The following ST7 variants were observed in gnomAD, a reference collection of about 807,000 sequenced individuals.
ST7 encodes suppressor of tumorigenicity 7 protein.
In ST7, 28 loss-of-function variants were observed where a neutral mutation model predicts 78.7. The ratio of observed to expected loss-of-function variants is 0.36; its 90% CI spans 0.26 to 0.49. ST7 has a LOEUF of 0.49. Among genes scored for constraint, ST7 ranks in the 20% least tolerant of loss-of-function variants. The probability of loss-of-function intolerance (pLI) is 0.99; values close to 1 mark genes in which losing one functional copy is unlikely to be tolerated. For missense variants in ST7, 418 were observed against 696.0 expected (o/e 0.60, Z 4.49); for synonymous variants, 247 against 249.6 (o/e 0.99, Z 0.10).
intron 1 of ST7, among the ~76,000 whole-genome samples, chr7:117,027,247 G>A (rs997044193): frequency 3.3e-5 from 5 of 151,956 alleles, no homozygotes; most frequent in Non-Finnish European, 7.4e-5. Context: ...TTTGAGACCA[G>A]CCTGGCCAAC....
At chr7:117,066,492 T>A (rs901013771) in intron 1 of ST7, among the ~76,000 whole-genome samples, 1 of 152,134 alleles carries the variant, frequency 6.6e-6, no homozygotes, top group Non-Finnish European at 1.5e-5. Context: ...CCAGGCGTGG[T>A]GGCTAACGCC....
intron 1 of ST7, among the ~76,000 whole-genome samples, chr7:117,097,914 T>A (rs1250513362): frequency 0.055 from 840 of 15,148 alleles, 12 homozygotes; most frequent in Middle Eastern, 0.094. Flanking sequence ...ATATATTTTT[T>A]TTTTTTTTTT....
chr7:117,223,047 C>A, intron 15 of ST7: 1 of 1,128,580 alleles, frequency 8.9e-7, no homozygotes, highest in Non-Finnish European at 1.3e-6. Flanking sequence ...CTCCGCCATC[C>A]ACCCCGTTGC....
chr7:116,984,577 G>T (rs1051071405), intron 1 of ST7, among the ~76,000 whole-genome samples: 3 of 152,136 alleles, frequency 2.0e-5, no homozygotes, highest in African/African-American at 7.2e-5. Flanking sequence ...ATGAGGAGAT[G>T]ACTCTATCAC....
intron 15 of ST7, 75 bp from the exon 16 acceptor site, chr7:117,229,687 G>T: frequency 5.0e-6 from 6 of 1,189,008 alleles, no homozygotes; most frequent in Non-Finnish European, 7.1e-6. Context: ...AGCTGCAAGC[G>T]TGGGTGGAGA....
chr7:117,172,671 C>T (rs1025659838), intron 10 of ST7, among the ~76,000 whole-genome samples: 9 of 152,192 alleles, frequency 5.9e-5, no homozygotes, highest in Admixed American at 1.3e-4. Context: ...CAAAAATCCT[C>T]GTATGTTGAC....
At chr7:117,114,221 C>G (rs1446799222) in intron 2 of ST7, among the ~76,000 whole-genome samples, 1 of 149,978 alleles carries the variant, frequency 6.7e-6, no homozygotes, top group Admixed American at 6.6e-5. Context: ...ATACAGAAAC[C>G]AAGAATGTAA....
At chr7:117,053,122 G>A (rs1284506895) in intron 1 of ST7, among the ~76,000 whole-genome samples, 3 of 152,006 alleles carry the variant, frequency 2.0e-5, no homozygotes, top group East Asian at 1.9e-4. Flanking sequence ...GTTGTTCTTC[G>A]TAGAGAAATT....
intron 2 of ST7, among the ~76,000 whole-genome samples, chr7:117,106,371 C>T (rs528557613): frequency 5.9e-5 from 9 of 152,158 alleles, no homozygotes; most frequent in Middle Eastern, 3.4e-3. Context: ...CTTCATGTTC[C>T]TACCTTAATA....
intron 1 of ST7, among the ~76,000 whole-genome samples, chr7:116,963,321 C>A (rs963386893): frequency 1.3e-5 from 2 of 152,156 alleles, no homozygotes; most frequent in African/African-American, 4.8e-5. Context: ...TGTAATGAAA[C>A]TCATTTTTCT....
At chr7:117,066,487 C>T (rs754122925) in intron 1 of ST7, among the ~76,000 whole-genome samples, 7 of 151,942 alleles carry the variant, frequency 4.6e-5, no homozygotes, top group African/African-American at 7.3e-5. Flanking sequence ...TTCAGCCAGG[C>T]GTGGTGGCTA....
intron 9 of ST7, among the ~76,000 whole-genome samples, chr7:117,148,443 T>A (rs1016228300): frequency 4.6e-5 from 7 of 152,214 alleles, no homozygotes; most frequent in Admixed American, 3.3e-4. Context: ...TTGTCTTTAT[T>A]CAAATCTGAG....
intron 2 of ST7, among the ~76,000 whole-genome samples, chr7:117,113,132 A>G (rs1236069779): frequency 6.6e-6 from 1 of 152,248 alleles, no homozygotes; most frequent in Admixed American, 6.5e-5. Context: ...TGAAAGTCAT[A>G]TAGTTGCAGT....
intron 1 of ST7, among the ~76,000 whole-genome samples, chr7:117,082,281 G>T (rs1298390107): frequency 6.6e-6 from 1 of 152,128 alleles, no homozygotes; most frequent in East Asian, 1.9e-4. Context: ...CCAGTTCAAT[G>T]CTCATATAGA....
At chr7:117,090,254 G>GACAC (rs10537016) in intron 1 of ST7, among the ~76,000 whole-genome samples, 25 of 148,936 alleles carry the variant, frequency 1.7e-4, no homozygotes, top group Admixed American at 4.7e-4. Context: ...CACACACACA[G>GACAC]ACACACACAC....
chr7:116,972,288 T>A (rs1562985819), intron 1 of ST7: 1 of 575,924 alleles, frequency 1.7e-6, no homozygotes, highest in Non-Finnish European at 3.3e-6. Flanking sequence ...TGGCTACCGA[T>A]CTCTCAGCAA....
At chr7:117,054,554 A>G (rs1424458661) in intron 1 of ST7, among the ~76,000 whole-genome samples, 1 of 152,258 alleles carries the variant, frequency 6.6e-6, no homozygotes, top group Non-Finnish European at 1.5e-5. Context: ...AACACAGAAT[A>G]TAAGTGAATT....
intron 1 of ST7, among the ~76,000 whole-genome samples, chr7:117,000,498 T>C (rs555757249): frequency 1.3e-5 from 2 of 152,314 alleles, no homozygotes; most frequent in African/African-American, 2.4e-5. Context: ...GAGAAACAAG[T>C]GACCAAAAAG....
chr7:116,972,656 C>T, intron 1 of ST7: 1 of 1,149,746 alleles, frequency 8.7e-7, no homozygotes, highest in South Asian at 1.2e-5. Context: ...CTCTCACTCT[C>T]ATCAGCAGTT....
Sources: gnomAD v4.1 joint callset for allele counts (sites outside exome capture counted in the v4.1 genomes callset) on GRCh38, gnomAD v4.1.1 for gene constraint, MANE v1.5 for transcripts, NCBI Gene and HGNC (gene_info 2026-07-23, HGNC 2026-07-21) for gene names.